ACAP2: variants seen among roughly 807,000 people sequenced by gnomAD.
The protein encoded by ACAP2 is ArfGAP with coiled-coil, ankyrin repeat and PH domains 2, also known as arf-GAP with coiled-coil, ANK repeat and PH domain-containing protein 2.
Under a neutral mutation model 115.8 loss-of-function variants are expected in ACAP2, and 39 were observed. The ratio of observed to expected loss-of-function variants is 0.34; its 90% CI spans 0.26 to 0.44. ACAP2 has a LOEUF of 0.44. Among genes scored for constraint, ACAP2 ranks in the 20% least tolerant of loss-of-function variants. The pLI, the probability that ACAP2 is intolerant of heterozygous loss-of-function variation, is 1.00. For missense variants in ACAP2, 662 were observed against 927.6 expected (o/e 0.71, Z 3.72); for synonymous variants, 289 against 315.8 (o/e 0.92, Z 0.90).
chr3:195,379,824 ATAGACAACAATGG>A (rs1733828788), intron 4 of ACAP2, among the ~76,000 whole-genome samples: 1 of 152,148 alleles, frequency 6.6e-6, no homozygotes, highest in African/African-American at 2.4e-5. Context: ...AAGGACTTCA[ATAGACAACAATGG>A]TAACAATGAC....
At chr3:195,365,886 G>A (rs567838486) in intron 4 of ACAP2, among the ~76,000 whole-genome samples, 1 of 147,454 alleles carries the variant, frequency 6.8e-6, no homozygotes, top group Admixed American at 6.9e-5. Context: ...TGCCGCCTAA[G>A]CTGGAGTGTA....
chr3:195,403,453 G>C (rs1224691566), intron 1 of ACAP2, among the ~76,000 whole-genome samples: 1 of 152,218 alleles, frequency 6.6e-6, no homozygotes, highest in African/African-American at 2.4e-5. Context: ...AAACAAAAGA[G>C]GAAGAAGCAA....
At chr3:195,406,194 C>T (rs371645203) in intron 1 of ACAP2, among the ~76,000 whole-genome samples, 2 of 152,196 alleles carry the variant, frequency 1.3e-5, no homozygotes, top group South Asian at 2.1e-4. Flanking sequence ...AATGCAATCA[C>T]ATCAAGAATC....
chr3:195,344,160 G>A (rs1731048879), intron 5 of ACAP2, among the ~76,000 whole-genome samples: 1 of 152,196 alleles, frequency 6.6e-6, no homozygotes, highest in Non-Finnish European at 1.5e-5. Flanking sequence ...CGAGGTTACA[G>A]TGAGTTATTA....
chr3:195,301,286 C>G (rs1050321088), intron 15 of ACAP2, among the ~76,000 whole-genome samples: 8 of 152,198 alleles, frequency 5.3e-5, no homozygotes, highest in South Asian at 4.2e-4. Context: ...CGGGGTTTCA[C>G]CGTGTTAGCC....
Position 195,441,848 on chromosome 3 carries a change from C to G in ACAP2, c.53+947G>C, listed in dbSNP as rs1716018132. The G allele has an allele frequency of 2.0e-5, 3 of 152,342 alleles. No homozygotes were observed. In the South Asian group the frequency reaches 6.2e-4, roughly 32 times the overall value. The allele number at this position is 152,342 out of a possible 1,614,324, so 9.4% of individuals were successfully genotyped here. On this transcript the variant is annotated intron_variant, in intron 1 of 22. Transcript: ENST00000326793. The stretch of plus-strand genomic sequence containing the variant: ...CCTACTATCCTCAAAACAGAAAGAA[C>G]CTGTGTCCTGGACGGCCTCAGGACG...
chr3:195,437,804 G>A (rs796913772), intron 1 of ACAP2, among the ~76,000 whole-genome samples: 21 of 100,054 alleles, frequency 2.1e-4, no homozygotes, highest in African/African-American at 8.5e-4. Flanking sequence ...GACAGTGTGA[G>A]ACTCTGTCTC....
intron 4 of ACAP2, among the ~76,000 whole-genome samples, chr3:195,365,446 G>T (rs953832735): frequency 6.6e-6 from 1 of 151,864 alleles, no homozygotes; most frequent in African/African-American, 2.4e-5. Flanking sequence ...TTGTTTTAAA[G>T]AACAAAATTA....
intron 9 of ACAP2, chr3:195,325,414 A>AT (rs746254101): frequency 0.062 from 19,712 of 319,354 alleles, 1,274 homozygotes; most frequent in African/African-American, 0.17. Context: ...TAGTGGACTG[A>AT]TTTTTTTTTT....
chr3:195,297,184 T>TTTC lies in ACAP2; in HGVS notation c.1487+5_1487+6insGAA. The TTTC allele has an allele frequency of 6.2e-7, 1 of 1,609,860 alleles. No individual in the cohort carries two copies. Among genetic ancestry groups the TTTC allele is most frequent in the Non-Finnish European group, 8.5e-7 (1 of 1,177,736 alleles). ...AATTAGGGGGAAAAAACAACTGAAA[T>TTTC]AGTACCTTTGTCCTGGTTGGGGTTT... On this transcript the variant is annotated splice_donor_region_variant and intron_variant, in intron 16 of 22. Transcript: ENST00000326793.
chr3:195,437,686 G>A lies in ACAP2; in HGVS notation c.53+5109C>T, dbSNP rs184877417. Among the ~76,000 whole-genome samples the A allele has an allele frequency of 6.1e-3, 920 of 151,522 alleles. 9 individuals are homozygous for A. The highest frequency in any genetic ancestry group is 0.021 in the African/African-American group (877 of 41,312). The stretch of plus-strand genomic sequence containing the variant: ...AAAAATTAGCCAGGTGTGGTGGCAG[G>A]CGCCTGTAATCCCAGCTACTCGGGA... On this transcript the variant is annotated intron_variant, in intron 1 of 22. Transcript: ENST00000326793.
chr3:195,439,456 G>A (rs544705850), intron 1 of ACAP2, among the ~76,000 whole-genome samples: 1 of 151,910 alleles, frequency 6.6e-6, no homozygotes, highest in Non-Finnish European at 1.5e-5. Flanking sequence ...TGGGATTACA[G>A]GCATGAACCA....
intron 1 of ACAP2, among the ~76,000 whole-genome samples, chr3:195,417,052 C>T (rs1322199021): frequency 1.3e-5 from 2 of 150,214 alleles, no homozygotes; most frequent in South Asian, 4.2e-4. Flanking sequence ...CCTGGGACTA[C>T]AGCTGGGCAT....
At position 195,295,704 on chromosome 3, in the gene ACAP2, A is replaced by C; in HGVS notation, c.1672+4T>G. ...TATAGACACAGTAAGAAAGTTTGCC[A>C]TACCTGAACTTTGGGCAGATGCTCT... is the stretch of plus-strand genomic sequence containing the variant. On this transcript the variant is annotated splice_donor_region_variant and intron_variant, in intron 17 of 22. Coordinates refer to ENST00000326793, the MANE Select transcript of ACAP2 (RefSeq NM_012287.6). 1.2e-6 allele frequency: 2 copies of C among 1,614,100 alleles called. No homozygotes were observed. Among genetic ancestry groups the C allele is most frequent in the Non-Finnish European group, 1.7e-6 (2 of 1,179,950 alleles).
chr3:195,370,690 C>T (rs1306292740), intron 4 of ACAP2, among the ~76,000 whole-genome samples: 1 of 152,122 alleles, frequency 6.6e-6, no homozygotes, highest in Non-Finnish European at 1.5e-5. Flanking sequence ...GTGACTCACA[C>T]CTGTAATCCC....
Position 195,362,185 on chromosome 3 carries a change from A to T in ACAP2, c.286-16868T>A, listed in dbSNP as rs1456286382. ...AAAAAAATTAGCCAGGCGTGGTGGC[A>T]CTTGCCTGTAATCCCAGCTACTCAG... On this transcript the variant is annotated intron_variant, in intron 4 of 22. Transcript: ENST00000326793. Among the ~76,000 whole-genome samples, 4 of 152,088 alleles carry T rather than the reference A, an allele frequency of 2.6e-5. No individual in the cohort carries two copies. In the East Asian group the frequency reaches 5.8e-4, roughly 22 times the overall value.
chr3:195,354,619 T>C (rs938935717), intron 4 of ACAP2, among the ~76,000 whole-genome samples: 6 of 152,252 alleles, frequency 3.9e-5, no homozygotes, highest in Admixed American at 1.3e-4. Flanking sequence ...TCCCGTTCTA[T>C]AGGTTGTCTG....
intron 6 of ACAP2, among the ~76,000 whole-genome samples, chr3:195,340,992 T>C (rs1174528261): frequency 6.6e-6 from 1 of 152,246 alleles, no homozygotes; most frequent in Non-Finnish European, 1.5e-5. Context: ...TTTTAATCAC[T>C]AATTTCTATT....
intron 4 of ACAP2, among the ~76,000 whole-genome samples, chr3:195,350,965 A>G (rs1385033803): frequency 2.0e-5 from 3 of 152,166 alleles, no homozygotes; most frequent in Non-Finnish European, 4.4e-5. Flanking sequence ...ACACAAAAGA[A>G]AACTACAAAA....
Sources: gnomAD v4.1 joint callset for allele counts (sites outside exome capture counted in the v4.1 genomes callset) on GRCh38, gnomAD v4.1.1 for gene constraint, MANE v1.5 for transcripts, NCBI Gene and HGNC (gene_info 2026-07-23, HGNC 2026-07-21) for gene names.